Variants in CMBL observed in about 807,000 individuals in gnomAD.
CMBL encodes the protein carboxymethylenebutenolidase homolog (Pseudomonas).
A neutral mutation model predicts 28.7 loss-of-function variants in CMBL; 17 were observed. The ratio of observed to expected loss-of-function variants is 0.59; its 90% CI spans 0.41 to 0.89. CMBL has a LOEUF of 0.89. Among genes scored for constraint, CMBL ranks in the 40% least tolerant of loss-of-function variants. The pLI is 0.00. For synonymous variants in CMBL, 106 were observed against 101.6 expected (o/e 1.04, Z -0.26); for missense variants, 310 against 298.5 (o/e 1.04, Z -0.28).
chr5:10,282,188 C>G lies in CMBL; in HGVS notation c.558+9G>C, dbSNP rs1488513300. The G allele has an allele frequency of 8.2e-6, 13 of 1,584,456 alleles. No individual in the cohort carries two copies. The highest frequency in any genetic ancestry group is 1.1e-5 in the Non-Finnish European group (13 of 1,153,342). On this transcript the variant is annotated intron_variant, in intron 5 of 5. Coordinates refer to ENST00000296658, the MANE Select transcript of CMBL (RefSeq NM_138809.4). ...TAAATAAATACGAAGAGAAAAGATGCCAACTTACGTCCTTGAGTGGAATCA... is the reference window on the plus strand; with the variant it reads ...TAAATAAATACGAAGAGAAAAGATGGCAACTTACGTCCTTGAGTGGAATCA...
chr5:10,279,862 G>A lies in CMBL; in HGVS notation c.*591C>T, dbSNP rs973798788. The A allele has an allele frequency of 2.0e-5, 3 of 151,532 alleles. No individual in the cohort carries two copies. Among genetic ancestry groups the A allele is most frequent in the African/African-American group, 7.3e-5 (3 of 41,206 alleles). The allele number at this position is 151,532 out of a possible 1,614,324, so 9.4% of individuals were successfully genotyped here. A position where few individuals can be genotyped will look rare whatever the true frequency, so the allele number is the denominator to read the frequency against. On this transcript the variant is annotated 3_prime_UTR_variant, in exon 6 of 6. Transcript: ENST00000296658. ...GCCTGTAGGTTTTAACTAATAATTA[G>A]GGTATTACTCTATCATTCTCTATCA...
At chr5:10,284,236 A>T (rs1273496494) in intron 4 of CMBL, among the ~76,000 whole-genome samples, 1 of 152,254 alleles carries the variant, frequency 6.6e-6, no homozygotes, top group East Asian at 1.9e-4. Context: ...GCGCAAAAGC[A>T]TGGTCTGGAC....
At chr5:10,297,717 A>G (rs1288631023) in intron 1 of CMBL, among the ~76,000 whole-genome samples, 1 of 152,048 alleles carries the variant, frequency 6.6e-6, no homozygotes, top group East Asian at 1.9e-4. Flanking sequence ...CAAACAAAAC[A>G]CAATCAATGA....
chr5:10,288,679 A>G (rs1250411319), intron 2 of CMBL, 150 bp from the exon 3 acceptor site: 1 of 639,746 alleles, frequency 1.6e-6, no homozygotes, highest in Non-Finnish European at 2.8e-6. Context: ...GATCGCAGCA[A>G]AGCAGCCACC....
chr5:10,297,801 G>A (rs765405425), intron 1 of CMBL, among the ~76,000 whole-genome samples: 7 of 152,142 alleles, frequency 4.6e-5, no homozygotes, highest in Non-Finnish European at 1.0e-4. Flanking sequence ...TTCTTTGGCA[G>A]CGTGGACAGT....
Position 10,277,766 on chromosome 5 carries a change from C to T in CMBL, c.*2687G>A, listed in dbSNP as rs1746420505. Among the ~76,000 whole-genome samples the T allele has an allele frequency of 6.6e-6, 1 of 152,192 alleles. No individual in the cohort carries two copies. Among genetic ancestry groups the T allele is most frequent in the African/African-American group, 2.4e-5 (1 of 41,438 alleles). On this transcript the variant is annotated 3_prime_UTR_variant, in exon 6 of 6. Transcript: ENST00000296658. The stretch of plus-strand genomic sequence containing the variant: ...TGTGTGACTTACATTATACTTCTAT[C>T]TGCAGTGCTGGTTCAGAACACCATG...
chr5:10,287,342 A>T (rs1746623435), intron 3 of CMBL, among the ~76,000 whole-genome samples: 1 of 152,160 alleles, frequency 6.6e-6, no homozygotes, highest in Admixed American at 6.5e-5. Flanking sequence ...AGCAACTTGG[A>T]TGGAGCTGGA....
chr5:10,286,160 C>G, intron 4 of CMBL, 194 bp downstream of exon 4: 1 of 537,948 alleles, frequency 1.9e-6, no homozygotes, highest in African/African-American at 1.9e-5. Context: ...CCTCTTGACT[C>G]CCGGTGACAT....
chr5:10,283,987 AAGAGCTAAGTAACAG>A (rs1746550600), intron 4 of CMBL, among the ~76,000 whole-genome samples: 3 of 152,210 alleles, frequency 2.0e-5, no homozygotes, highest in Non-Finnish European at 4.4e-5. Flanking sequence ...CTGGCAGCAG[AAGAGCTAAGTAACAG>A]AGAGAGCCTC....
intron 1 of CMBL, among the ~76,000 whole-genome samples, chr5:10,303,010 A>G (rs181847167): frequency 5.1e-4 from 78 of 152,336 alleles, no homozygotes; most frequent in African/African-American, 1.9e-3. Flanking sequence ...AAGGGTAGCC[A>G]TCTATGAGAC....
intron 1 of CMBL, among the ~76,000 whole-genome samples, chr5:10,295,595 C>T (rs1162665148): frequency 1.3e-5 from 2 of 152,158 alleles, no homozygotes; most frequent in Non-Finnish European, 2.9e-5. Context: ...GTGCAGAGCC[C>T]TCAAGAATGG....
chr5:10,307,415 C>T (rs1747018224), intron 1 of CMBL: 1 of 152,242 alleles, frequency 6.6e-6, no homozygotes, highest in Admixed American at 6.5e-5. Context: ...ACAGCGGCTG[C>T]TTCGGACGCA....
intron 1 of CMBL, among the ~76,000 whole-genome samples, chr5:10,304,870 C>A: frequency 6.6e-6 from 1 of 152,130 alleles, no homozygotes; most frequent in Non-Finnish European, 1.5e-5. Context: ...GCCACTTACT[C>A]CTAAAAATGG....
At chr5:10,293,055 A>G (rs753426935) in intron 1 of CMBL, among the ~76,000 whole-genome samples, 1 of 152,234 alleles carries the variant, frequency 6.6e-6, no homozygotes, top group Non-Finnish European at 1.5e-5. Flanking sequence ...AAGATTTAGA[A>G]CTGGATTACC....
At chr5:10,281,750 A>G (rs1221865987) in intron 5 of CMBL, among the ~76,000 whole-genome samples, 2 of 152,252 alleles carry the variant, frequency 1.3e-5, no homozygotes, top group Admixed American at 1.3e-4. Context: ...CTGGAATTAT[A>G]TAAGTGGAAT....
intron 1 of CMBL, among the ~76,000 whole-genome samples, chr5:10,306,865 T>TGTTCCTAGGCCTGGATAGG: frequency 6.6e-6 from 1 of 152,338 alleles, no homozygotes; most frequent in Non-Finnish European, 1.5e-5. Flanking sequence ...TTTCTCTGGC[T>TGTTCCTAGGCCTGGATAGG]GTTCCTAGGC....
intron 4 of CMBL, among the ~76,000 whole-genome samples, chr5:10,282,888 G>A (rs1483301037): frequency 6.6e-6 from 1 of 151,966 alleles, no homozygotes; most frequent in Non-Finnish European, 1.5e-5. Context: ...TCAGGAGTCC[G>A]AGACTAGCCT....
At position 10,292,954 on chromosome 5, in the gene CMBL, C is replaced by T. The variant is rs184404733; in HGVS notation, c.-19-2173G>A. Among the ~76,000 whole-genome samples the T allele has an allele frequency of 4.8e-3, 737 of 152,220 alleles. 5 individuals are homozygous for T. Among genetic ancestry groups the T allele is most frequent in the Non-Finnish European group, 8.8e-3 (598 of 68,016 alleles). ...AGTCTTTACAAGCAGATGTGAACTG[C>T]CTGCATATTAACCCACAATCAAAGT... On this transcript the variant is annotated intron_variant, in intron 1 of 5. Transcript: ENST00000296658.
intron 4 of CMBL, among the ~76,000 whole-genome samples, chr5:10,283,818 T>A (rs1340209152): frequency 6.6e-6 from 1 of 152,246 alleles, no homozygotes; most frequent in Non-Finnish European, 1.5e-5. Context: ...TCGAGATTAA[T>A]TCTGAAATTA....
Sources: allele counts gnomAD v4.1 joint callset (sites outside exome capture counted in the v4.1 genomes callset), GRCh38; gene constraint gnomAD v4.1.1; transcripts MANE v1.5; gene names NCBI Gene and HGNC (gene_info 2026-07-23, HGNC 2026-07-21).